Variants in SORCS2 observed in about 807,000 individuals in gnomAD.
SORCS2 encodes the protein VPS10 domain-containing receptor SorCS2.
SORCS2 carries 100 observed loss-of-function variants against 141.6 expected under a neutral mutation model. The ratio of observed to expected loss-of-function variants is 0.71; its 90% CI spans 0.60 to 0.83. SORCS2 has a LOEUF of 0.83. SORCS2 is among the 40% of genes least tolerant of loss of function. The pLI is 0.00. For synonymous variants in SORCS2, 789 were observed against 676.9 expected, an observed-to-expected ratio of 1.17 and a Z score of -2.57; for missense variants, 1,646 against 1,560.2, an observed-to-expected ratio of 1.05 and a Z score of -0.93.
intron 2 of SORCS2, among the ~76,000 whole-genome samples, chr4:7,468,330 G>A (rs1417414908): frequency 1.3e-5 from 2 of 152,158 alleles, no homozygotes; most frequent in South Asian, 2.1e-4. Flanking sequence ...CCGAAGCCTC[G>A]TATGCATGGC....
At chr4:7,469,199 TGGTGGTGATGATGCTGTTGATGGC>T (rs1159035930) in intron 2 of SORCS2, among the ~76,000 whole-genome samples, 1 of 151,776 alleles carries the variant, frequency 6.6e-6, no homozygotes, top group African/African-American at 2.4e-5. Context: ...ATGATGGTGG[TGGTGGTGATGATGCTGTTGATGGC>T]GGTGGTGATA....
intron 1 of SORCS2, among the ~76,000 whole-genome samples, chr4:7,348,615 A>G (rs565008335): frequency 6.6e-6 from 1 of 152,286 alleles, no homozygotes; most frequent in African/African-American, 2.4e-5. Context: ...GCAGTGGCGC[A>G]ATCTCGGCTC....
At chr4:7,657,472 T>G (rs1698415063) in intron 5 of SORCS2, among the ~76,000 whole-genome samples, 1 of 138,186 alleles carries the variant, frequency 7.2e-6, no homozygotes, top group Admixed American at 7.7e-5. Flanking sequence ...AGTGAATAAA[T>G]GAGTAGGTGA....
Position 7,433,542 on chromosome 4 carries a change from C to T in SORCS2, c.548+37187C>T, listed in dbSNP as rs555665029. On this transcript the variant is annotated intron_variant, in intron 2 of 26. Coordinates refer to ENST00000507866, the MANE Select transcript of SORCS2 (RefSeq NM_020777.3). ...CCTTGAGACTCTCAATGAGCACGGG[C>T]TCGTACTGGGTGACGAAGTGCTTGC... 3 of 1,610,340 alleles carry T rather than the reference C, an allele frequency of 1.9e-6. No homozygotes were observed. In the Admixed American group the frequency reaches 5.0e-5, roughly 27 times the overall value.
At chr4:7,357,219 G>A (rs1276975339) in intron 1 of SORCS2, among the ~76,000 whole-genome samples, 5 of 152,158 alleles carry the variant, frequency 3.3e-5, no homozygotes, top group African/African-American at 7.2e-5. Context: ...CCGGGGACTC[G>A]GGAGGGACCA....
intron 2 of SORCS2, among the ~76,000 whole-genome samples, chr4:7,483,115 T>G (rs1455162429): frequency 6.6e-6 from 1 of 151,726 alleles, no homozygotes; most frequent in Non-Finnish European, 1.5e-5. Context: ...GGTCAGGAGA[T>G]CGAGACCATC....
intron 6 of SORCS2, among the ~76,000 whole-genome samples, chr4:7,662,480 C>T (rs1266690391): frequency 2.0e-5 from 3 of 152,176 alleles, no homozygotes; most frequent in African/African-American, 7.2e-5. Context: ...CTCTCCAGGG[C>T]CTGCAACTCC....
intron 12 of SORCS2, among the ~76,000 whole-genome samples, 160 bp downstream of exon 12, chr4:7,697,434 A>G (rs960435600): frequency 1.3e-5 from 2 of 152,206 alleles, no homozygotes; most frequent in Non-Finnish European, 2.9e-5. Context: ...GCCAGGGCTC[A>G]CTTTAGCAGA....
At chr4:7,459,792 C>G (rs1419353865) in intron 2 of SORCS2, among the ~76,000 whole-genome samples, 2 of 152,196 alleles carry the variant, frequency 1.3e-5, no homozygotes, top group African/African-American at 2.4e-5. Context: ...GGTTCAGGAG[C>G]CTTGAGGGTC....
At chr4:7,538,610 C>CACACACACACACACAT (rs1491451455) in intron 3 of SORCS2, among the ~76,000 whole-genome samples, 1 of 142,752 alleles carries the variant, frequency 7.0e-6, no homozygotes, top group African/African-American at 2.5e-5. Flanking sequence ...CACACACACA[C>CACACACACACACACAT]ATTTTCACCA....
intron 3 of SORCS2, among the ~76,000 whole-genome samples, chr4:7,617,290 C>T (rs1718826049): frequency 6.6e-6 from 1 of 152,152 alleles, no homozygotes; most frequent in African/African-American, 2.4e-5. Context: ...TCCATCCACC[C>T]ACCTATCCAT....
At position 7,728,419 on chromosome 4, in the gene SORCS2, G is replaced by A; in HGVS notation, c.2939G>A (p.Trp980Ter). Residue 980 changes from tryptophan to a stop codon, truncating the protein, a stop_gained, in exon 22 of 27, where the codon TGG becomes TAG. Coordinates refer to ENST00000507866, the MANE Select transcript of SORCS2 (RefSeq NM_020777.3). LOFTEE classifies it high-confidence loss of function. The stretch of plus-strand genomic sequence containing the variant: ...GCCTACAACCCCAACACCCCTGAGT[G>A]GAGGGAAGACGTGGGCCTGGTGGTC... ...LDAYNPNTPE[W>*]REDVGLVVTR... The A allele has an allele frequency of 6.2e-7, 1 of 1,613,708 alleles. No individual in the cohort carries two copies. Among genetic ancestry groups the A allele is most frequent in the Non-Finnish European group, 8.5e-7 (1 of 1,179,810 alleles).
chr4:7,628,974 A>C (rs934760612), intron 3 of SORCS2, among the ~76,000 whole-genome samples: 1 of 152,154 alleles, frequency 6.6e-6, no homozygotes, highest in Non-Finnish European at 1.5e-5. Context: ...GTCAGGGCCC[A>C]CTTAGATGGT....
chr4:7,693,960 C>T (rs11730490), intron 11 of SORCS2, among the ~76,000 whole-genome samples: 21,622 of 152,160 alleles, frequency 0.14, 1,686 homozygotes, highest in South Asian at 0.31. Flanking sequence ...ATGGGAGCAC[C>T]GGCGGAACCT....
At chr4:7,389,045 G>T (rs553433933) in intron 1 of SORCS2, among the ~76,000 whole-genome samples, 113 of 152,364 alleles carry the variant, frequency 7.4e-4, no homozygotes, top group African/African-American at 2.6e-3. Flanking sequence ...GGTTCTGCCC[G>T]TGCCCCACTG....
At chr4:7,559,146 A>G (rs1300377760) in intron 3 of SORCS2, among the ~76,000 whole-genome samples, 2 of 151,948 alleles carry the variant, frequency 1.3e-5, no homozygotes, top group Non-Finnish European at 2.9e-5. Flanking sequence ...GTCTTCTCCC[A>G]TCACCCACTG....
chr4:7,547,047 G>C (rs1713314887), intron 3 of SORCS2, among the ~76,000 whole-genome samples: 1 of 152,142 alleles, frequency 6.6e-6, no homozygotes, highest in African/African-American at 2.4e-5. Context: ...CCTGCTTTCT[G>C]GTGCCGAGAA....
intron 7 of SORCS2, among the ~76,000 whole-genome samples, chr4:7,665,290 G>C (rs778039750): frequency 1.3e-4 from 20 of 152,132 alleles, no homozygotes; most frequent in Non-Finnish European, 2.5e-4. Context: ...AAGGAGTTAG[G>C]CGCTAGGGCA....
rs1387535810 is a variant in SORCS2, at chr4:7,715,357, G to A, written c.2252+46G>A. 3 of 1,604,738 alleles carry A rather than the reference G, an allele frequency of 1.9e-6. No homozygotes were observed. The South Asian group carries it at 3.3e-5, about 18-fold the overall frequency. On this transcript the variant is annotated intron_variant, in intron 17 of 26. Coordinates refer to ENST00000507866, the MANE Select transcript of SORCS2 (RefSeq NM_020777.3). ...CTCCCTGCCTAAATCCGGGGGCAGA[G>A]CTGTGGTGCAGCCCCGAAACCACGC...
Sources: allele counts gnomAD v4.1 joint callset (sites outside exome capture counted in the v4.1 genomes callset), GRCh38; gene constraint gnomAD v4.1.1; transcripts MANE v1.5; gene names NCBI Gene and HGNC (gene_info 2026-07-23, HGNC 2026-07-21).